FUT9: variants seen among roughly 807,000 people sequenced by gnomAD.
FUT9 encodes the protein fucosyltransferase 9.
FUT9 carries 15 observed loss-of-function variants against 29.7 expected under a neutral mutation model. The observed-to-expected ratio is 0.51, with a 90% CI of 0.34 to 0.78. The LOEUF is 0.78. Ranked by LOEUF, FUT9 falls within the 30% of genes least tolerant of loss-of-function variation. The pLI is 0.01. For synonymous variants in FUT9, 169 were observed against 153.7 expected, an observed-to-expected ratio of 1.10 and a Z score of -0.74; for missense variants, 319 against 425.4, an observed-to-expected ratio of 0.75 and a Z score of 2.20.
rs550328976 is a variant in FUT9 at position 96,124,627 on chromosome 6, C to A, written c.-9+10500C>A. On this transcript the variant is annotated intron_variant, in intron 2 of 2. Coordinates refer to ENST00000302103, the MANE Select transcript of FUT9 (RefSeq NM_006581.4). ...GTCTCCTCCCAGAAGTCTGACCCTG[C>A]CAGTTCTAAATTTTTTTCTGACTCT... Among the ~76,000 whole-genome samples the A allele has an allele frequency of 2.0e-4, 30 of 152,020 alleles. 1 individual carries two copies. In the South Asian group the frequency reaches 5.8e-3, roughly 29 times the overall value.
chr6:96,069,994 G>GA (rs1247317054), intron 1 of FUT9, among the ~76,000 whole-genome samples: 2 of 151,492 alleles, frequency 1.3e-5, no homozygotes, highest in African/African-American at 2.4e-5. Flanking sequence ...AGAGATCAAA[G>GA]AAAAAAATAT....
intron 2 of FUT9, among the ~76,000 whole-genome samples, chr6:96,115,657 A>G (rs1266864704): frequency 6.6e-6 from 1 of 152,198 alleles, no homozygotes; most frequent in Non-Finnish European, 1.5e-5. Flanking sequence ...CCGCTGATAT[A>G]ATGCTTCGGT....
At chr6:96,022,488 G>C (rs184321845) in intron 1 of FUT9, among the ~76,000 whole-genome samples, 8 of 152,118 alleles carry the variant, frequency 5.3e-5, no homozygotes, top group Non-Finnish European at 1.5e-5. Context: ...ACCATCTCCT[G>C]ATATTTCCAG....
chr6:96,116,977 A>C (rs1771924113), intron 2 of FUT9, among the ~76,000 whole-genome samples: 1 of 152,194 alleles, frequency 6.6e-6, no homozygotes, highest in African/African-American at 2.4e-5. Flanking sequence ...AACAAATAGG[A>C]TGTATTATCC....
intron 2 of FUT9, among the ~76,000 whole-genome samples, chr6:96,196,436 G>A (rs565028025): frequency 2.0e-5 from 3 of 152,194 alleles, no homozygotes; most frequent in South Asian, 2.1e-4. Flanking sequence ...AAGGAGGGAC[G>A]GGCGCAGTGG....
chr6:96,025,392 G>T (rs1482937269), intron 1 of FUT9, among the ~76,000 whole-genome samples: 1 of 151,668 alleles, frequency 6.6e-6, no homozygotes, highest in East Asian at 1.9e-4. Context: ...AGAAGTGAAG[G>T]ACTGTCTATC....
intron 1 of FUT9, among the ~76,000 whole-genome samples, chr6:96,110,581 G>A (rs1189631087): frequency 6.6e-6 from 1 of 152,146 alleles, no homozygotes; most frequent in Non-Finnish European, 1.5e-5. Flanking sequence ...AAAAACAAGA[G>A]CGGTGGCAGC....
intron 2 of FUT9, among the ~76,000 whole-genome samples, chr6:96,158,533 G>A (rs1214838229): frequency 2.0e-5 from 3 of 151,996 alleles, no homozygotes; most frequent in East Asian, 1.9e-4. Flanking sequence ...GATGGAAACC[G>A]TTTTGCAACA....
chr6:96,065,470 A>T (rs972072779), intron 1 of FUT9, among the ~76,000 whole-genome samples: 12 of 152,262 alleles, frequency 7.9e-5, no homozygotes, highest in African/African-American at 2.6e-4. Context: ...CAACTTGCTC[A>T]GTTCTCTAAG....
At chr6:96,145,620 C>T (rs1450345289) in intron 2 of FUT9, among the ~76,000 whole-genome samples, 1 of 152,094 alleles carries the variant, frequency 6.6e-6, no homozygotes, top group African/African-American at 2.4e-5. Context: ...CAAAGAAGGC[C>T]TCATTGTGGA....
chr6:96,129,671 A>C (rs1402432551), intron 2 of FUT9, among the ~76,000 whole-genome samples: 2 of 152,044 alleles, frequency 1.3e-5, no homozygotes, highest in African/African-American at 4.8e-5. Context: ...GGGGAAGAGA[A>C]TGGGTTGAAA....
chr6:96,041,619 A>G (rs751368591), intron 1 of FUT9, among the ~76,000 whole-genome samples: 41 of 152,278 alleles, frequency 2.7e-4, no homozygotes, highest in South Asian at 4.1e-4. Flanking sequence ...GTGAGGTGAT[A>G]CATTTAGCTG....
At chr6:96,192,073 A>G (rs974070116) in intron 2 of FUT9, among the ~76,000 whole-genome samples, 1 of 152,190 alleles carries the variant, frequency 6.6e-6, no homozygotes, top group African/African-American at 2.4e-5. Flanking sequence ...AGAGCTATTT[A>G]TGACAAACCC....
intron 1 of FUT9, among the ~76,000 whole-genome samples, chr6:96,096,764 A>G (rs1013813189): frequency 5.3e-5 from 8 of 150,648 alleles, no homozygotes; most frequent in East Asian, 3.9e-4. Context: ...TGCCTACTCT[A>G]TTGAAAATTG....
chr6:96,049,745 G>A (rs951981705), intron 1 of FUT9, among the ~76,000 whole-genome samples: 3 of 152,040 alleles, frequency 2.0e-5, no homozygotes, highest in Admixed American at 6.6e-5. Flanking sequence ...TATTTCTTTT[G>A]TGTTTTGAGC....
At chr6:96,085,698 C>T (rs1489898949) in intron 1 of FUT9, among the ~76,000 whole-genome samples, 1 of 152,096 alleles carries the variant, frequency 6.6e-6, no homozygotes, top group Non-Finnish European at 1.5e-5. Context: ...ATTCAACTTC[C>T]CTTATCTTGG....
intron 2 of FUT9, among the ~76,000 whole-genome samples, chr6:96,160,712 G>C (rs1772882027): frequency 6.6e-6 from 1 of 152,084 alleles, no homozygotes; most frequent in Admixed American, 6.6e-5. Context: ...CTTATCTATG[G>C]AAATAGGCTT....
chr6:96,117,962 T>C (rs1771942723), intron 2 of FUT9, among the ~76,000 whole-genome samples: 2 of 152,098 alleles, frequency 1.3e-5, no homozygotes, highest in African/African-American at 4.8e-5. Context: ...TCCCATCACA[T>C]TGGGAGGCTC....
chr6:96,138,526 A>G (rs1220069101), intron 2 of FUT9, among the ~76,000 whole-genome samples: 3 of 151,962 alleles, frequency 2.0e-5, no homozygotes, highest in Non-Finnish European at 4.4e-5. Flanking sequence ...GGGAAAGTGA[A>G]ATTAAAAATG....
Sources: allele counts gnomAD v4.1 joint callset (sites outside exome capture counted in the v4.1 genomes callset), GRCh38; gene constraint gnomAD v4.1.1; transcripts MANE v1.5; gene names NCBI Gene and HGNC (gene_info 2026-07-23, HGNC 2026-07-21).